The following UTS2B variants were observed in gnomAD, a reference collection of about 807,000 sequenced individuals.
UTS2B encodes the protein urotensin-2B.
In UTS2B, 21 loss-of-function variants were observed where a neutral mutation model predicts 19.2. The ratio of observed to expected loss-of-function variants is 1.09; its 90% confidence interval spans 0.78 to 1.58. The LOEUF is 1.58. Among genes scored for constraint, UTS2B ranks in the 40% most tolerant of loss-of-function variants. UTS2B has a pLI of 0.00. For synonymous variants in UTS2B, 57 were observed against 50.2 expected (o/e 1.14, Z -0.58); for missense variants, 138 against 130.3 (o/e 1.06, Z -0.29).
intron 8 of UTS2B, among the ~76,000 whole-genome samples, chr3:191,274,473 A>G (rs1716175599): frequency 1.3e-5 from 2 of 152,224 alleles, no homozygotes. Flanking sequence ...AAAATTAGAT[A>G]ACTCTCCAAG....
the UTS2B span, among the ~76,000 whole-genome samples, chr3:191,342,204 T>A: frequency 6.6e-6 from 1 of 152,150 alleles, no homozygotes; most frequent in Non-Finnish European, 1.5e-5. Flanking sequence ...GTGTGTAGAG[T>A]TCTGACAAAT....
At chr3:191,339,102 G>A in the UTS2B span, among the ~76,000 whole-genome samples, 7 of 152,160 alleles carry the variant, frequency 4.6e-5, no homozygotes, top group Non-Finnish European at 1.5e-5. Context: ...GGAGACAGTT[G>A]TGAAGAATCT....
intron 4 of UTS2B, among the ~76,000 whole-genome samples, chr3:191,304,196 G>T (rs1192388970): frequency 6.6e-6 from 1 of 152,194 alleles, no homozygotes; most frequent in Admixed American, 6.5e-5. Flanking sequence ...GACCTCAAGT[G>T]ATCCACCTGC....
rs1413369216 is a variant in UTS2B, at chr3:191,316,367, G to T, written c.-513C>A. 1 of 152,440 alleles carries T rather than the reference G, an allele frequency of 6.6e-6. No individual in the cohort carries two copies. Among genetic ancestry groups the T allele is most frequent in the Non-Finnish European group, 1.5e-5 (1 of 68,242 alleles). 9.4% of individuals were successfully genotyped at this position (152,440 alleles called of 1,614,324 possible). A position where few individuals can be genotyped will look rare whatever the true frequency, so the allele number is the denominator to read the frequency against. ...TCTCTCTGGTTTCAAGAGTGAAGCT[G>T]CAGACCTTCGCGGTGAGTGCTACAG... On this transcript the variant is annotated 5_prime_UTR_variant, in exon 3 of 9. Coordinates refer to ENST00000340524, the MANE Select transcript of UTS2B (RefSeq NM_198152.5).
At chr3:191,340,843 T>C in the UTS2B span, among the ~76,000 whole-genome samples, 1 of 152,200 alleles carries the variant, frequency 6.6e-6, no homozygotes, top group African/African-American at 2.4e-5. Context: ...ATTCTATTTC[T>C]TTTTCTTCTA....
At chr3:191,320,789 AG>A (rs1420711466) in intron 2 of UTS2B, among the ~76,000 whole-genome samples, 1 of 152,250 alleles carries the variant, frequency 6.6e-6, no homozygotes, top group East Asian at 1.9e-4. Flanking sequence ...CAACTGTGTA[AG>A]TACAGAGGTG....
chr3:191,327,359 T>A (rs1717771370), intron 2 of UTS2B, among the ~76,000 whole-genome samples: 1 of 152,142 alleles, frequency 6.6e-6, no homozygotes, highest in Admixed American at 6.5e-5. Flanking sequence ...TAGCCAGGCG[T>A]TGTGGTGCAC....
intron 3 of UTS2B, among the ~76,000 whole-genome samples, chr3:191,312,107 G>A (rs1248032893): frequency 6.6e-6 from 1 of 150,810 alleles, no homozygotes; most frequent in East Asian, 1.9e-4. Flanking sequence ...AGCCGAGGTT[G>A]CGCCACTGCA....
At chr3:191,342,618 A>C in the UTS2B span, among the ~76,000 whole-genome samples, 1 of 152,006 alleles carries the variant, frequency 6.6e-6, no homozygotes, top group African/African-American at 2.4e-5. Flanking sequence ...TATCCTACAG[A>C]GGTTTAAGGA....
At chr3:191,282,410 G>A (rs1716416966) in intron 4 of UTS2B, 97 bp from the exon 5 acceptor site, 1 of 450,688 alleles carries the variant, frequency 2.2e-6, no homozygotes, top group Non-Finnish European at 4.0e-6. Context: ...TGACAGATTT[G>A]TTATGGAGTC....
chr3:191,329,677 G>C (rs747258229), intron 1 of UTS2B: 1 of 1,609,762 alleles, frequency 6.2e-7, no homozygotes, highest in Non-Finnish European at 8.5e-7. Context: ...GGCCCGGTAT[G>C]GCTGAAGTCA....
Position 191,324,706 on chromosome 3 carries a change from T to C in UTS2B, c.-586+3925A>G, listed in dbSNP as rs150774820. Among the ~76,000 whole-genome samples the C allele has an allele frequency of 3.2e-3, 486 of 152,314 alleles. 2 individuals carry two copies. The highest frequency in any genetic ancestry group is 0.01 in the African/African-American group (420 of 41,564). On this transcript the variant is annotated intron_variant, in intron 2 of 8. Coordinates refer to ENST00000340524, the MANE Select transcript of UTS2B (RefSeq NM_198152.5). ...TACCTGGTCTTGGGTGATGTCTTTA[T>C]TAGCAGCGTGAGAATAGGCTAATAC...
In UTS2B at chr3:191,296,094, A is replaced by G. The variant is rs990471957; in HGVS notation, c.-125+8398T>C. 5.3e-5 allele frequency among the ~76,000 whole-genome samples: 8 copies of G among 152,126 alleles called. No individual in the cohort carries two copies. The East Asian group carries it at 5.8e-4, about 11-fold the overall frequency. On this transcript the variant is annotated intron_variant, in intron 4 of 8. Coordinates refer to ENST00000340524, the MANE Select transcript of UTS2B (RefSeq NM_198152.5). ...CATAACATGATCTAGAAAATCCTAC[A>G]TTACCCGCCTTCACCCACCTCTCAA...
At chr3:191,292,729 T>C (rs138692360) in intron 4 of UTS2B, among the ~76,000 whole-genome samples, 1 of 152,354 alleles carries the variant, frequency 6.6e-6, no homozygotes, top group Non-Finnish European at 1.5e-5. Context: ...TGTCTTTTTC[T>C]TGAGCTTAGA....
At chr3:191,292,232 G>T (rs1203697825) in intron 4 of UTS2B, among the ~76,000 whole-genome samples, 1 of 151,924 alleles carries the variant, frequency 6.6e-6, no homozygotes, top group Non-Finnish European at 1.5e-5. Flanking sequence ...GCCTGGATCT[G>T]TGAACACAGA....
At chr3:191,289,538 T>C (rs1195560) in intron 4 of UTS2B, among the ~76,000 whole-genome samples, 62,773 of 151,726 alleles carry the variant, frequency 0.41, 13,450 homozygotes, top group East Asian at 0.65. Context: ...AAGCTATGTC[T>C]ATGATGGGAT....
intron 4 of UTS2B, among the ~76,000 whole-genome samples, chr3:191,284,361 G>A (rs1454453186): frequency 5.9e-5 from 9 of 151,330 alleles, no homozygotes; most frequent in Admixed American, 3.9e-4. Flanking sequence ...TCTCTCTGTC[G>A]CCCAGGCTGG....
intron 4 of UTS2B, among the ~76,000 whole-genome samples, chr3:191,299,067 C>A (rs2108592228): frequency 6.6e-6 from 1 of 152,298 alleles, no homozygotes; most frequent in Middle Eastern, 3.4e-3. Context: ...ACAACATATG[C>A]TCCTATGCAG....
chr3:191,290,556 T>C (rs1432441356), intron 4 of UTS2B, among the ~76,000 whole-genome samples: 1 of 152,174 alleles, frequency 6.6e-6, no homozygotes, highest in Non-Finnish European at 1.5e-5. Context: ...ACCCACATGA[T>C]CTCTTGCCCA....
Sources: gnomAD v4.1 joint callset for allele counts (sites outside exome capture counted in the v4.1 genomes callset) on GRCh38, gnomAD v4.1.1 for gene constraint, MANE v1.5 for transcripts, NCBI Gene and HGNC (gene_info 2026-07-23, HGNC 2026-07-21) for gene names.